COL7A1: variants seen among roughly 807,000 people sequenced by gnomAD.
The protein encoded by COL7A1 is collagen alpha-1(VII) chain.
A neutral mutation model predicts 456.2 loss-of-function variants in COL7A1; 296 were observed. The observed-to-expected ratio is 0.65, with a 90% CI of 0.59 to 0.71. COL7A1 has a LOEUF of 0.71. Among genes scored for constraint, COL7A1 ranks in the 30% least tolerant of loss-of-function variants. The pLI is 0.00. For synonymous variants in COL7A1, 1,464 were observed against 1,525.9 expected (o/e 0.96, Z 0.95); for missense variants, 3,441 against 4,017.2 (o/e 0.86, Z 3.88).
rs776342984 is a variant in COL7A1 at position 48,573,894 on chromosome 3, CAT to C, written c.6502-6_6502-5del. ...GGCCTCTTGGACCCTGCAGACCCTA[CAT>C]AGAGAGGGCACTGATGAGCCTCAAT... On this transcript the variant is annotated splice_polypyrimidine_tract_variant and splice_region_variant and intron_variant, in intron 80 of 118. Transcript: ENST00000681320. The surrounding 1 kb of genome is among the most constrained non-coding windows in gnomAD (Gnocchi z 5.5). 2 of 1,613,346 alleles carry C rather than the reference CAT, an allele frequency of 1.2e-6. No individual in the cohort carries two copies. Among genetic ancestry groups the C allele is most frequent in the Middle Eastern group, 1.8e-4 (1 of 5,590 alleles).
chr3:48,579,539 C>G lies in COL7A1; in HGVS notation c.5236-24G>C, dbSNP rs1445919187. 6.2e-7 allele frequency: 1 copy of G among 1,613,922 alleles called. No individual in the cohort carries two copies. The highest frequency in any genetic ancestry group is 1.3e-5 in the African/African-American group (1 of 75,032). On this transcript the variant is annotated intron_variant, in intron 59 of 118. Coordinates refer to ENST00000681320, the MANE Select transcript of COL7A1 (RefSeq NM_000094.4). The surrounding 1 kb of genome is among the most constrained non-coding windows in gnomAD (Gnocchi z 4.4). ...CCCTGAGGATAGGGGAGGAAGAAAT[C>G]AGAGCAGGCCCTCCCATGCCTGCAC...
In COL7A1 at chr3:48,581,986, G is replaced by A. The variant is rs1216923395; in HGVS notation, c.4636-43C>T. The stretch of plus-strand genomic sequence containing the variant: ...AGATACAGCTTGGCCCTGCCTTGGG[G>A]TTGTATGATCAAAGTCTTCATTGGA... On this transcript the variant is annotated intron_variant, in intron 47 of 118. Transcript: ENST00000681320. The surrounding 1 kb of genome is among the most constrained non-coding windows in gnomAD (Gnocchi z 5.8). 1.9e-6 allele frequency: 3 copies of A among 1,613,514 alleles called. No individual in the cohort carries two copies. In the East Asian group the frequency reaches 6.7e-5, roughly 36 times the overall value.
Position 48,570,834 on chromosome 3 carries a change from C to T in COL7A1, c.7272+27G>A. The T allele has an allele frequency of 1.9e-6, 3 of 1,592,180 alleles. No individual in the cohort carries two copies. The highest frequency in any genetic ancestry group is 1.1e-5 in the South Asian group (1 of 88,106). On this transcript the variant is annotated intron_variant, in intron 95 of 118. Coordinates refer to ENST00000681320, the MANE Select transcript of COL7A1 (RefSeq NM_000094.4). The surrounding 1 kb of genome is among the most constrained non-coding windows in gnomAD (Gnocchi z 5.5). Reference sequence around the variant, plus strand: ...CTCACCCACCATGGATTCACCATGCCCCTACATGCTGTTCCCAGCCCCTCA... The same window carrying T: ...CTCACCCACCATGGATTCACCATGCTCCTACATGCTGTTCCCAGCCCCTCA...
In COL7A1 at chr3:48,573,323, G is replaced by A; in HGVS notation, c.6644C>T (p.Pro2215Leu). Residue 2215 changes from proline to leucine, a missense_variant, in exon 84 of 119, where the codon CCA (proline) becomes CTA (leucine). Pro to Leu is a moderately conservative substitution (Grantham distance 98). This residue lies in a region of COL7A1 where 2,084 missense variants were observed against 2,501.3 expected (regional missense o/e 0.83). Transcript: ENST00000681320. The surrounding 1 kb of genome is among the most constrained non-coding windows in gnomAD (Gnocchi z 5.5). ...GTGAGCTAGGCCACTCACCCGTCCT[G>A]GAGGTCCTGTCTCTCCAGGCTCCCC... ...LKGEPGETGP[P>L]GRGLTGPTGA... is the part of the protein sequence containing the mutation. 1 of 1,614,008 alleles carries A rather than the reference G, an allele frequency of 6.2e-7. No individual in the cohort carries two copies. Among genetic ancestry groups the A allele is most frequent in the South Asian group, 1.1e-5 (1 of 91,088 alleles).
Position 48,591,275 on chromosome 3 carries a change from T to A in COL7A1, c.1636+189A>T, listed in dbSNP as rs1374409173. ...GGGGCAGGGAGGAGATTGGTTGGGG[T>A]AGGGTAGGGGCAGACACACCCTGTT... On this transcript the variant is annotated intron_variant, in intron 13 of 118. Transcript: ENST00000681320. The surrounding 1 kb of genome is among the most constrained non-coding windows in gnomAD (Gnocchi z 7.0). Among the ~76,000 whole-genome samples the A allele has an allele frequency of 6.6e-6, 1 of 151,478 alleles. No individual in the cohort carries two copies. The highest frequency in any genetic ancestry group is 6.6e-5 in the Admixed American group (1 of 15,214).
At position 48,583,701 on chromosome 3, in the gene COL7A1, C is replaced by G. The variant is rs767287228; in HGVS notation, c.4341+17G>C. Reference sequence around the variant, plus strand: ...TCCCACCCCAGAACTGGGACATCATCAAGTCAGCCTTCCTACTTTTTCTCC... The same window carrying G: ...TCCCACCCCAGAACTGGGACATCATGAAGTCAGCCTTCCTACTTTTTCTCC... On this transcript the variant is annotated intron_variant, in intron 40 of 118. Coordinates refer to ENST00000681320, the MANE Select transcript of COL7A1 (RefSeq NM_000094.4). The surrounding 1 kb of genome is among the most constrained non-coding windows in gnomAD (Gnocchi z 5.1). 3.7e-6 allele frequency: 6 copies of G among 1,613,950 alleles called. No homozygotes were observed. The highest frequency in any genetic ancestry group is 5.1e-6 in the Non-Finnish European group (6 of 1,180,006).
Position 48,586,557 on chromosome 3 carries a change from C to G in COL7A1, c.3403+6G>C. 6.2e-7 allele frequency: 1 copy of G among 1,613,742 alleles called. No individual in the cohort carries two copies. The highest frequency in any genetic ancestry group is 1.1e-5 in the South Asian group (1 of 91,074). ...CCCAGGAGTCCATGCCTGCTGCAGT[C>G]CTCACCCAGGTTGTTCCCACTTGGG... On this transcript the variant is annotated splice_donor_region_variant and intron_variant, in intron 26 of 118. Coordinates refer to ENST00000681320, the MANE Select transcript of COL7A1 (RefSeq NM_000094.4). The surrounding 1 kb of genome is among the most constrained non-coding windows in gnomAD (Gnocchi z 5.1).
Position 48,590,935 on chromosome 3 carries a change from G to C in COL7A1, c.1637-119C>G. 9.8e-7 allele frequency: 1 copy of C among 1,018,658 alleles called. No individual in the cohort carries two copies. Among genetic ancestry groups the C allele is most frequent in the Non-Finnish European group, 1.5e-6 (1 of 673,282 alleles). 63.1% of individuals were successfully genotyped at this position (1,018,658 alleles called of 1,614,324 possible). On this transcript the variant is annotated intron_variant, in intron 13 of 118. Coordinates refer to ENST00000681320, the MANE Select transcript of COL7A1 (RefSeq NM_000094.4). This position sits in a 1 kb window ranked among gnomAD's most constrained non-coding sequence, Gnocchi z 4.6. ...GCCATGGGGGTGGGGATGTGGGGTG[G>C]TGGGGACCAGAGAGCTGGGATATGG...
At position 48,566,169 on chromosome 3, in the gene COL7A1, ATCTTC is replaced by A. The variant is rs1414778010; in HGVS notation, c.8407+93_8407+97del. The A allele has an allele frequency of 9.3e-6, 12 of 1,293,174 alleles. No individual in the cohort carries two copies. Among genetic ancestry groups the A allele is most frequent in the Middle Eastern group, 2.0e-4 (1 of 5,058 alleles). 80.1% of individuals were successfully genotyped at this position (1,293,174 alleles called of 1,614,324 possible). Reference sequence around the variant, plus strand: ...CTTCTGTGTATCCATCCATCCCCCCATCTTCTTGACTGCTTGCCCTGTAAGTTCTA... The same window carrying A: ...CTTCTGTGTATCCATCCATCCCCCCATTGACTGCTTGCCCTGTAAGTTCTA... On this transcript the variant is annotated intron_variant, in intron 114 of 118. Coordinates refer to ENST00000681320, the MANE Select transcript of COL7A1 (RefSeq NM_000094.4). The surrounding 1 kb of genome is among the most constrained non-coding windows in gnomAD (Gnocchi z 5.9).
chr3:48,568,588 C>T lies in COL7A1; in HGVS notation c.7759-54G>A. The T allele has an allele frequency of 2.5e-6, 4 of 1,575,492 alleles. No individual in the cohort carries two copies. The highest frequency in any genetic ancestry group is 2.6e-6 in the Non-Finnish European group (3 of 1,155,754). On this transcript the variant is annotated intron_variant, in intron 104 of 118. Transcript: ENST00000681320. This position sits in a 1 kb window ranked among gnomAD's most constrained non-coding sequence, Gnocchi z 5.2. ...TCAGTGGGACTGTCCCCAACACTGG[C>T]CCATCCGCTGCATGTGTGGCCACTC...
Position 48,588,820 on chromosome 3 carries a change from G to C in COL7A1, c.2441-32C>G. On this transcript the variant is annotated intron_variant, in intron 19 of 118. Transcript: ENST00000681320. The surrounding 1 kb of genome is among the most constrained non-coding windows in gnomAD (Gnocchi z 4.6). ...AGGTGGGCATACAGCAATGGTTAGG[G>C]GTGAGCAGTCCCAGCCAGGAAGGAC... 2.5e-6 allele frequency: 4 copies of C among 1,613,626 alleles called. No individual in the cohort carries two copies. Among genetic ancestry groups the C allele is most frequent in the Non-Finnish European group, 2.5e-6 (3 of 1,180,036 alleles).
rs2044077450 is a variant in COL7A1 at position 48,573,525 on chromosome 3, A to G, written c.6606T>C (p.Pro2202=). 3.7e-6 allele frequency: 6 copies of G among 1,614,094 alleles called. No homozygotes were observed. In the East Asian group the frequency reaches 1.3e-4, roughly 36 times the overall value. Reference sequence around the variant, plus strand: ...CACCTAGACTCACCTTCAGGCCAGAAGGTCCTTGGGGTCCTGCAGGGCCAG... The same window carrying G: ...CACCTAGACTCACCTTCAGGCCAGAGGGTCCTTGGGGTCCTGCAGGGCCAG... ...GLAGPAGPQG[P]SGLKGEPGET... is the part of the protein sequence containing the mutation. The change falls in exon 83 of 119, where the codon CCT becomes CCC. Residue 2202 remains proline, a synonymous_variant. Transcript: ENST00000681320. This position sits in a 1 kb window ranked among gnomAD's most constrained non-coding sequence, Gnocchi z 5.5.
rs1483440232 is a variant in COL7A1 at position 48,569,579 on chromosome 3, T to C, written c.7614+13A>G. ...ACCCAGGGGAGACCCAGTCCACACG[T>C]GGGCCCACTCACCATGTCCCCCTTG... On this transcript the variant is annotated intron_variant, in intron 102 of 118. Transcript: ENST00000681320. The surrounding 1 kb of genome is among the most constrained non-coding windows in gnomAD (Gnocchi z 4.9). 1 of 1,613,570 alleles carries C rather than the reference T, an allele frequency of 6.2e-7. No homozygotes were observed. The highest frequency in any genetic ancestry group is 8.5e-7 in the Non-Finnish European group (1 of 1,179,802).
Position 48,583,220 on chromosome 3 carries a change from G to A in COL7A1, c.4438-49C>T, listed in dbSNP as rs369898348. 1,770 of 1,610,362 alleles carry A rather than the reference G, an allele frequency of 1.1e-3. 22 individuals carry two copies. Among genetic ancestry groups the A allele is most frequent in the Middle Eastern group, 6.4e-3 (39 of 6,048 alleles). ...GACAGAGAGAGAGAGGGTTGGTGGC[G>A]GGGCTTGAACGTCAAACCCCAGACA... On this transcript the variant is annotated intron_variant, in intron 42 of 118. Transcript: ENST00000681320. The surrounding 1 kb of genome is among the most constrained non-coding windows in gnomAD (Gnocchi z 5.1).
chr3:48,591,362 A>G lies in COL7A1; in HGVS notation c.1636+102T>C, dbSNP rs1235083656. On this transcript the variant is annotated intron_variant, in intron 13 of 118. Transcript: ENST00000681320. This position sits in a 1 kb window ranked among gnomAD's most constrained non-coding sequence, Gnocchi z 7.0. Reference sequence around the variant, plus strand: ...TGGATAACGAGACAGGGAGGAGACTATAGGGACCCAGGTGTGGAAGGAGAG... The same window carrying G: ...TGGATAACGAGACAGGGAGGAGACTGTAGGGACCCAGGTGTGGAAGGAGAG... 4.0e-6 allele frequency: 6 copies of G among 1,489,526 alleles called. No individual in the cohort carries two copies. The highest frequency in any genetic ancestry group is 2.4e-4 in the Middle Eastern group (1 of 4,158). 92.3% of individuals were successfully genotyped at this position (1,489,526 alleles called of 1,614,324 possible). A position where few individuals can be genotyped will look rare whatever the true frequency, so the allele number is the denominator to read the frequency against.
At position 48,574,955 on chromosome 3, in the gene COL7A1, G is replaced by A; in HGVS notation, c.6280-90C>T. On this transcript the variant is annotated intron_variant, in intron 76 of 118. Coordinates refer to ENST00000681320, the MANE Select transcript of COL7A1 (RefSeq NM_000094.4). This position sits in a 1 kb window ranked among gnomAD's most constrained non-coding sequence, Gnocchi z 5.0. ...ATCTCAGGATCACAGAGGGTTATAG[G>A]GTCAGAAATTCCAGGGTTATGGCAC... 1.9e-6 allele frequency: 3 copies of A among 1,581,074 alleles called. No homozygotes were observed. The highest frequency in any genetic ancestry group is 2.2e-5 in the East Asian group (1 of 44,450).
In COL7A1 at chr3:48,581,936, G is replaced by A; in HGVS notation, c.4643C>T (p.Ala1548Val). The A allele has an allele frequency of 6.2e-7, 1 of 1,614,016 alleles. No homozygotes were observed. Among genetic ancestry groups the A allele is most frequent in the East Asian group, 2.2e-5 (1 of 44,878 alleles). Residue 1548 changes from alanine to valine, a missense_variant, in exon 48 of 119, where the codon GCT becomes GTT. Transcript: ENST00000681320. The surrounding 1 kb of genome is among the most constrained non-coding windows in gnomAD (Gnocchi z 5.8). ...RPGDPAVVGP[A>V]VAGPKGEKGD... ...CTTTTCTCCTTTGGGTCCAGCAACA[G>A]CAGGTCCCTGAAAACAAACAGGACA...
chr3:48,572,511 C>T lies in COL7A1; in HGVS notation c.6928G>A (p.Gly2310Arg). 6.2e-7 allele frequency: 1 copy of T among 1,613,976 alleles called. No individual in the cohort carries two copies. ...QAVVGLPGAK[G>R]EKGAPGGLAG... Reference sequence around the variant, plus strand: ...GCCCCACACACACTCACCTTCTCTCCCTTTGCTCCAGGGAGCCCGACCACA... The same window carrying T: ...GCCCCACACACACTCACCTTCTCTCTCTTTGCTCCAGGGAGCCCGACCACA... The change falls in exon 89 of 119, where the codon GGA becomes AGA. Residue 2310 changes from glycine (G) to arginine (R), a missense_variant. Gly to Arg is a moderately radical substitution (Grantham distance 125). Coordinates refer to ENST00000681320, the MANE Select transcript of COL7A1 (RefSeq NM_000094.4). The surrounding 1 kb of genome is among the most constrained non-coding windows in gnomAD (Gnocchi z 4.6).
rs763996830 is a variant in COL7A1 at position 48,567,724 on chromosome 3, G to A, written c.7969C>T (p.His2657Tyr). The A allele has an allele frequency of 1.2e-6, 2 of 1,614,046 alleles. No individual in the cohort carries two copies. The highest frequency in any genetic ancestry group is 2.2e-5 in the East Asian group (1 of 44,862). ...CCCACACTCACCATCTCTCCTTTGTGTCCTGCCAGCCCGGGGCGGCCTGGG... is the reference window on the plus strand; with the variant it reads ...CCCACACTCACCATCTCTCCTTTGTATCCTGCCAGCCCGGGGCGGCCTGGG... ...GPPGRPGLAG[H>Y]KGEMGEPGVP... is the part of the protein sequence containing the mutation. The change falls in exon 108 of 119, where the codon CAC (histidine) becomes TAC (tyrosine). Residue 2657 changes from histidine (H) to tyrosine (Y), a missense_variant. Transcript: ENST00000681320. This position sits in a 1 kb window ranked among gnomAD's most constrained non-coding sequence, Gnocchi z 4.3.
Sources: allele counts gnomAD v4.1 joint callset (sites outside exome capture counted in the v4.1 genomes callset), GRCh38; gene constraint gnomAD v4.1.1; regional missense constraint gnomAD v4.1.1; non-coding constraint Gnocchi (gnomAD v3.1); transcripts MANE v1.5; gene names NCBI Gene and HGNC (gene_info 2026-07-23, HGNC 2026-07-21).